The following SORD variants were observed in gnomAD, a reference collection of about 807,000 sequenced individuals.
SORD encodes the protein sorbitol dehydrogenase.
SORD carries 18 observed loss-of-function variants against 35.6 expected under a neutral mutation model. The ratio of observed to expected loss-of-function variants is 0.51; its 90% confidence interval spans 0.35 to 0.75. The LOEUF (loss-of-function observed/expected upper bound fraction) is 0.75. Ranked by LOEUF, SORD falls within the 30% of genes least tolerant of loss-of-function variation. The pLI, the probability that SORD is intolerant of heterozygous loss-of-function variation, is 0.01. For missense variants in SORD, 250 were observed against 390.2 expected, an observed-to-expected ratio of 0.64 and a Z score of 3.03; for synonymous variants, 106 against 152.9, an observed-to-expected ratio of 0.69 and a Z score of 2.26.
intron 4 of SORD, among the ~76,000 whole-genome samples, chr15:45,061,818 G>A (rs1314436937): frequency 2.0e-5 from 3 of 151,954 alleles, no homozygotes; most frequent in Non-Finnish European, 4.4e-5. Context: ...GCAGTGAGCC[G>A]AGATGGCGCC....
At position 45,025,625 on chromosome 15, in the gene SORD, A is replaced by T. The variant is rs1382585079; in HGVS notation, c.66+2276A>T. Among the ~76,000 whole-genome samples the T allele has an allele frequency of 9.7e-3, 1,039 of 107,502 alleles. 2 individuals carry two copies. Among genetic ancestry groups the T allele is most frequent in the Non-Finnish European group, 0.011 (630 of 55,054 alleles). 70.5% of individuals were successfully genotyped at this position (107,502 alleles called of 152,430 possible). A position where few individuals can be genotyped will look rare whatever the true frequency, so the allele number is the denominator to read the frequency against. On this transcript the variant is annotated intron_variant, in intron 1 of 8. Transcript: ENST00000267814. ...GCCTGAATGACAGCAAAACTATGTC[A>T]AAAAAAAAAAAAAAAAAAAGATGTC...
Position 45,073,555 on chromosome 15 carries a change from C to T in SORD, c.*25C>T. 6.3e-7 allele frequency: 1 copy of T among 1,599,764 alleles called. No homozygotes were observed. The highest frequency in any genetic ancestry group is 2.2e-5 in the East Asian group (1 of 44,712). On this transcript the variant is annotated 3_prime_UTR_variant, in exon 9 of 9. Coordinates refer to ENST00000267814, the MANE Select transcript of SORD (RefSeq NM_003104.6). ...ATGTTAATGGGCTCTGCCCTCATCC[C>T]CACAGTCTTGGGATCTCAGGGCACA...
chr15:45,069,292 C>T (rs1471985489), intron 7 of SORD, among the ~76,000 whole-genome samples: 2 of 149,430 alleles, frequency 1.3e-5, no homozygotes, highest in East Asian at 3.9e-4. Flanking sequence ...CTGCAAGCTC[C>T]GCCTCCTGGG....
chr15:45,039,289 C>T (rs543030751), intron 1 of SORD, among the ~76,000 whole-genome samples: 4 of 152,174 alleles, frequency 2.6e-5, no homozygotes, highest in South Asian at 2.1e-4. Context: ...CCACCACGCC[C>T]GGCTAATTTT....
chr15:45,061,806 T>C (rs1047089426), intron 4 of SORD, among the ~76,000 whole-genome samples: 2 of 151,762 alleles, frequency 1.3e-5, no homozygotes, highest in African/African-American at 4.8e-5. Flanking sequence ...GAGGTGGAGG[T>C]TGCAGTGAGC....
chr15:45,071,116 T>C (rs1355184285), intron 7 of SORD, among the ~76,000 whole-genome samples: 1 of 152,168 alleles, frequency 6.6e-6, no homozygotes, highest in Non-Finnish European at 1.5e-5. Flanking sequence ...GCAGATGCCT[T>C]GGGGTAGAAT....
At chr15:45,069,541 T>C (rs1311920071) in intron 7 of SORD, among the ~76,000 whole-genome samples, 1 of 152,098 alleles carries the variant, frequency 6.6e-6, no homozygotes, top group African/African-American at 2.4e-5. Flanking sequence ...GAACTTGCCT[T>C]ACATCCTTAT....
chr15:45,072,599 C>T (rs368060118), intron 8 of SORD, among the ~76,000 whole-genome samples, 161 bp downstream of exon 8: 1 of 147,538 alleles, frequency 6.8e-6, no homozygotes, highest in East Asian at 1.9e-4. Context: ...AAAGAGAGAA[C>T]ACTCACTGCC....
intron 3 of SORD, among the ~76,000 whole-genome samples, chr15:45,058,239 G>T (rs1176063255): frequency 6.6e-6 from 1 of 152,196 alleles, no homozygotes; most frequent in African/African-American, 2.4e-5. Context: ...ACACTGAGGT[G>T]TAGCCTCAAC....
At chr15:45,032,593 C>A (rs1283179788) in intron 1 of SORD, among the ~76,000 whole-genome samples, 4 of 152,072 alleles carry the variant, frequency 2.6e-5, no homozygotes, top group Non-Finnish European at 5.9e-5. Flanking sequence ...GTGGTGGCCA[C>A]CAGGTGAGGG....
At chr15:45,043,172 T>A in intron 2 of SORD, 85 bp from the exon 3 acceptor site, 1 of 971,374 alleles carries the variant, frequency 1.0e-6, no homozygotes, top group Non-Finnish European at 1.6e-6. Flanking sequence ...CCCTCTACCC[T>A]GGGCAAAGGG....
intron 5 of SORD, among the ~76,000 whole-genome samples, chr15:45,066,194 A>G (rs1223331235): frequency 6.7e-6 from 1 of 150,194 alleles, no homozygotes; most frequent in Non-Finnish European, 1.5e-5. Flanking sequence ...GCAGTGAGCC[A>G]AGATTGTGCC....
intron 1 of SORD, among the ~76,000 whole-genome samples, chr15:45,029,857 T>C (rs190189237): frequency 2.8e-3 from 419 of 152,330 alleles, no homozygotes; most frequent in Non-Finnish European, 5.1e-3. Context: ...GGTTGTCTCC[T>C]CCCCGAAGTC....
intron 2 of SORD, chr15:45,041,827 G>A (rs1892970674): frequency 6.6e-6 from 1 of 152,174 alleles, no homozygotes. Flanking sequence ...ACTTGCATTG[G>A]AAGGGAAAAG....
intron 2 of SORD, among the ~76,000 whole-genome samples, chr15:45,041,286 C>A (rs543525050): frequency 1.3e-5 from 2 of 152,204 alleles, no homozygotes; most frequent in Admixed American, 6.5e-5. Context: ...TCCCTCCCAT[C>A]CCTGGAATTC....
intron 8 of SORD, 143 bp from the exon 9 acceptor site, chr15:45,073,222 C>T (rs1893541805): frequency 4.1e-6 from 2 of 486,850 alleles, no homozygotes; most frequent in East Asian, 6.9e-5. Flanking sequence ...AGGTCCTTTC[C>T]TGGGTTGTTG....
intron 1 of SORD, among the ~76,000 whole-genome samples, chr15:45,032,621 G>A (rs1442675458): frequency 1.3e-5 from 2 of 152,152 alleles, no homozygotes; most frequent in Non-Finnish European, 2.9e-5. Flanking sequence ...AGTCTCCAGG[G>A]TCACTGGTGA....
chr15:45,025,872 T>C (rs539666444), intron 1 of SORD, among the ~76,000 whole-genome samples: 48 of 152,352 alleles, frequency 3.2e-4, no homozygotes, highest in African/African-American at 1.1e-3. Context: ...ATTCAGTTCA[T>C]AGTGCTATCT....
intron 3 of SORD, among the ~76,000 whole-genome samples, chr15:45,056,833 C>T (rs1893225334): frequency 6.6e-6 from 1 of 152,168 alleles, no homozygotes; most frequent in Non-Finnish European, 1.5e-5. Context: ...GTTTGTCCTG[C>T]TGGGGAGTAA....
Sources: allele counts gnomAD v4.1 joint callset (sites outside exome capture counted in the v4.1 genomes callset), GRCh38; gene constraint gnomAD v4.1.1; transcripts MANE v1.5; gene names NCBI Gene and HGNC (gene_info 2026-07-23, HGNC 2026-07-21).